MAN1C1: variants seen among roughly 807,000 people sequenced by gnomAD.
MAN1C1 encodes the protein mannosyl-oligosaccharide 1,2-alpha-mannosidase IC.
MAN1C1 carries 49 observed loss-of-function variants against 71.5 expected under a neutral mutation model. That is an observed-to-expected ratio of 0.69 (90% CI 0.54 to 0.87). The LOEUF is 0.87. Ranked by LOEUF, MAN1C1 falls within the 40% of genes least tolerant of loss-of-function variation. The pLI is 0.00. For synonymous variants in MAN1C1, 352 were observed against 343.7 expected, an observed-to-expected ratio of 1.02 and a Z score of -0.27; for missense variants, 743 against 835.0, an observed-to-expected ratio of 0.89 and a Z score of 1.36.
At chr1:25,718,194 G>A (rs1201515921) in intron 2 of MAN1C1, among the ~76,000 whole-genome samples, 2 of 152,096 alleles carry the variant, frequency 1.3e-5, no homozygotes, top group Non-Finnish European at 2.9e-5. Context: ...TAATCGTCGT[G>A]TTTGTTTGAT....
intron 2 of MAN1C1, among the ~76,000 whole-genome samples, chr1:25,713,682 A>G (rs542830003): frequency 6.6e-6 from 1 of 152,306 alleles, no homozygotes; most frequent in South Asian, 2.1e-4. Flanking sequence ...AAAGAGGCCC[A>G]TGGATGTGCC....
chr1:25,757,873 T>G (rs548120689), intron 5 of MAN1C1, among the ~76,000 whole-genome samples: 89 of 152,362 alleles, frequency 5.8e-4, no homozygotes, highest in Non-Finnish European at 1.1e-3. Context: ...CTGTGTGATC[T>G]CAGGCAGGGG....
rs2047708509 is a variant in MAN1C1, at chr1:25,782,481, G to C, written c.1651-104G>C. The stretch of plus-strand genomic sequence containing the variant: ...TCCCCAGCCAAGGGGTGGGGGTGCT[G>C]TCTGCTTTCTTCTAGCTCCAGCCTG... On this transcript the variant is annotated intron_variant, in intron 10 of 11. Transcript: ENST00000374332. This position sits in a 1 kb window ranked among gnomAD's most constrained non-coding sequence, Gnocchi z 4.4. 1 of 711,696 alleles carries C rather than the reference G, an allele frequency of 1.4e-6. No individual in the cohort carries two copies. The allele number at this position is 711,696 out of a possible 1,614,324, so 44.1% of individuals were successfully genotyped here. A position where few individuals can be genotyped will look rare whatever the true frequency, so the allele number is the denominator to read the frequency against.
At chr1:25,620,788 G>A (rs2045195326) in intron 1 of MAN1C1, among the ~76,000 whole-genome samples, 1 of 152,166 alleles carries the variant, frequency 6.6e-6, no homozygotes, top group Non-Finnish European at 1.5e-5. Flanking sequence ...AATGAAAACT[G>A]GACACTTGGA....
chr1:25,768,386 CCTCACA>C (rs2047485965), intron 7 of MAN1C1, among the ~76,000 whole-genome samples: 1 of 142,324 alleles, frequency 7.0e-6, no homozygotes, highest in African/African-American at 2.6e-5. Flanking sequence ...CACACACTCC[CCTCACA>C]TACATCCACA....
At chr1:25,732,584 A>G (rs766967650) in intron 2 of MAN1C1, among the ~76,000 whole-genome samples, 7 of 152,200 alleles carry the variant, frequency 4.6e-5, no homozygotes, top group Non-Finnish European at 8.8e-5. Context: ...GGCATTTTGC[A>G]TGATCTCTAG....
Position 25,617,058 on chromosome 1 carries a change from G to A in MAN1C1, c.-740G>A, listed in dbSNP as rs2045108609. The stretch of plus-strand genomic sequence containing the variant: ...TCCCGGGCGCATCTGCAGCCGCCCA[G>A]CCGCGGCTCCGGACCCAGGCATCCC... On this transcript the variant is annotated 5_prime_UTR_variant, in exon 1 of 12. Transcript: ENST00000374332. The surrounding 1 kb of genome is among the most constrained non-coding windows in gnomAD (Gnocchi z 5.1). Among the ~76,000 whole-genome samples, 3 of 151,872 alleles carry A rather than the reference G, an allele frequency of 2.0e-5. No homozygotes were observed. The South Asian group carries it at 6.2e-4, about 31-fold the overall frequency.
intron 1 of MAN1C1, among the ~76,000 whole-genome samples, chr1:25,653,978 C>T (rs1281918750): frequency 6.6e-6 from 1 of 152,178 alleles, no homozygotes; most frequent in Non-Finnish European, 1.5e-5. Context: ...CAAAGGATAG[C>T]ATCCAGGACA....
At chr1:25,744,164 A>G (rs2047097020) in intron 2 of MAN1C1, among the ~76,000 whole-genome samples, 1 of 152,100 alleles carries the variant, frequency 6.6e-6, no homozygotes, top group African/African-American at 2.4e-5. Flanking sequence ...AGGAGCATGG[A>G]CACCAGGCCT....
intron 1 of MAN1C1, among the ~76,000 whole-genome samples, chr1:25,654,912 G>A (rs1270872036): frequency 1.3e-5 from 2 of 152,050 alleles, no homozygotes; most frequent in African/African-American, 2.4e-5. Context: ...CCCAAAGTGT[G>A]GGGATTACAG....
intron 2 of MAN1C1, among the ~76,000 whole-genome samples, chr1:25,738,087 A>G (rs987076711): frequency 3.9e-5 from 6 of 152,114 alleles, no homozygotes; most frequent in Non-Finnish European, 8.8e-5. Flanking sequence ...TCTTTCATGT[A>G]TCAGCCTCCA....
At chr1:25,701,206 C>A (rs1572160160) in intron 2 of MAN1C1, among the ~76,000 whole-genome samples, 1 of 152,218 alleles carries the variant, frequency 6.6e-6, no homozygotes, top group African/African-American at 2.4e-5. Flanking sequence ...GCTTCCTCCC[C>A]AGCCCAGGGG....
At chr1:25,767,639 T>C (rs1454737422) in intron 7 of MAN1C1, among the ~76,000 whole-genome samples, 5 of 17,100 alleles carry the variant, frequency 2.9e-4, no homozygotes, top group African/African-American at 8.9e-4. Context: ...ACACACACAT[T>C]ACACACTCCC....
At position 25,718,273 on chromosome 1, in the gene MAN1C1, A is replaced by G. The variant is rs544437931; in HGVS notation, c.638-28395A>G. ...CCACTACCTGTGTAAACCTCCTCAC[A>G]GTGTGTCCCAGCGCATTAGGTGGTA... On this transcript the variant is annotated intron_variant, in intron 2 of 11. Coordinates refer to ENST00000374332, the MANE Select transcript of MAN1C1 (RefSeq NM_020379.4). Among the ~76,000 whole-genome samples the G allele has an allele frequency of 5.9e-4, 90 of 152,098 alleles. 1 individual carries two copies. Among genetic ancestry groups the G allele is most frequent in the Non-Finnish European group, 1.1e-3 (77 of 68,030 alleles).
In MAN1C1 at chr1:25,734,222, G is replaced by A. The variant is rs892811368; in HGVS notation, c.638-12446G>A. 2.6e-5 allele frequency among the ~76,000 whole-genome samples: 4 copies of A among 152,268 alleles called. No individual in the cohort carries two copies. The East Asian group carries it at 7.7e-4, about 29-fold the overall frequency. On this transcript the variant is annotated intron_variant, in intron 2 of 11. Coordinates refer to ENST00000374332, the MANE Select transcript of MAN1C1 (RefSeq NM_020379.4). The stretch of plus-strand genomic sequence containing the variant: ...CGGCTCACTGCAACCTCCACCTCAT[G>A]GGTTCAAGCGATTCTCATGCCACAC...
intron 8 of MAN1C1, among the ~76,000 whole-genome samples, chr1:25,772,609 C>T (rs753910066): frequency 3.3e-5 from 5 of 152,218 alleles, no homozygotes; most frequent in Non-Finnish European, 7.3e-5. Context: ...TTGGTCTACA[C>T]TACCTCCTTA....
chr1:25,618,119 G>A lies in MAN1C1; in HGVS notation c.322G>A (p.Gly108Arg), dbSNP rs1355178389. 2.0e-6 allele frequency: 3 copies of A among 1,515,006 alleles called. No homozygotes were observed. The highest frequency in any genetic ancestry group is 2.6e-6 in the Non-Finnish European group (3 of 1,139,586). The allele number at this position is 1,515,006 out of a possible 1,614,324, so 93.8% of individuals were successfully genotyped here. Residue 108 changes from glycine (G) to arginine (R), a missense_variant, in exon 1 of 12, where the codon GGG (glycine) becomes AGG (arginine). By Grantham distance (125) the Gly-to-Arg change is moderately radical. Transcript: ENST00000374332. ...GGCCAGTCCCCGCCGCAGGAAAGGGGGGCTGCGGCGCACCCGCCCCACTGG... is the reference window on the plus strand; with the variant it reads ...GGCCAGTCCCCGCCGCAGGAAAGGGAGGCTGCGGCGCACCCGCCCCACTGG... ...SWASPRRRKGGLRRTRPTGPR... is the reference protein window; with the variant it reads ...SWASPRRRKGRLRRTRPTGPR...
At chr1:25,757,781 G>A (rs2047308845) in intron 5 of MAN1C1, among the ~76,000 whole-genome samples, 2 of 152,226 alleles carry the variant, frequency 1.3e-5, no homozygotes, top group Admixed American at 6.5e-5. Context: ...CCTATCCTAT[G>A]ATCAAAAGAG....
intron 2 of MAN1C1, among the ~76,000 whole-genome samples, chr1:25,719,399 A>T (rs1413313175): frequency 3.7e-4 from 17 of 45,934 alleles, no homozygotes; most frequent in South Asian, 3.0e-3. Flanking sequence ...TTTATCTTTT[A>T]TTTATTTATT....
Sources: allele counts gnomAD v4.1 joint callset (sites outside exome capture counted in the v4.1 genomes callset), GRCh38; gene constraint gnomAD v4.1.1; non-coding constraint Gnocchi (gnomAD v3.1); transcripts MANE v1.5; gene names NCBI Gene and HGNC (gene_info 2026-07-23, HGNC 2026-07-21).